The following TTC39C variants were observed in gnomAD, a reference collection of about 807,000 sequenced individuals.
TTC39C encodes the protein tetratricopeptide repeat protein 39C.
A neutral mutation model predicts 76.3 loss-of-function variants in TTC39C; 33 were observed. That is an observed-to-expected ratio of 0.43 (90% CI 0.33 to 0.58). TTC39C has a LOEUF of 0.58. Among genes scored for constraint, TTC39C ranks in the 20% least tolerant of loss-of-function variants. TTC39C has a pLI of 0.04. For missense variants in TTC39C, 595 were observed against 701.4 expected (o/e 0.85, Z 1.71); for synonymous variants, 254 against 260.6 (o/e 0.97, Z 0.24).
At chr18:24,041,221 A>G (rs1328042628) in intron 1 of TTC39C, among the ~76,000 whole-genome samples, 5 of 152,236 alleles carry the variant, frequency 3.3e-5, no homozygotes, top group Admixed American at 6.5e-5. Context: ...TGGCCATGCT[A>G]AAAGCACAGC....
intron 6 of TTC39C, among the ~76,000 whole-genome samples, chr18:24,087,994 C>T (rs1274664468): frequency 1.3e-5 from 2 of 152,132 alleles, no homozygotes; most frequent in African/African-American, 4.8e-5. Context: ...AAATCTATTG[C>T]TGTATGTCAT....
intron 1 of TTC39C, among the ~76,000 whole-genome samples, chr18:24,061,327 C>T (rs537300172): frequency 6.6e-6 from 1 of 150,844 alleles, no homozygotes; most frequent in African/African-American, 2.4e-5. Flanking sequence ...TATTTGGGTT[C>T]TAATGCTTAT....
In TTC39C at chr18:24,127,611, G is replaced by A. The variant is rs187691998; in HGVS notation, c.1421-1275G>A. Among the ~76,000 whole-genome samples, 463 of 152,162 alleles carry A rather than the reference G, an allele frequency of 3.0e-3. 2 individuals are homozygous for A. The highest frequency in any genetic ancestry group is 5.4e-3 in the Non-Finnish European group (369 of 67,996). The stretch of plus-strand genomic sequence containing the variant: ...GGCTCACTGCAACCTCTGCCTCCCT[G>A]GCTCAAGCGATCCTCCAACCTCAGC... On this transcript the variant is annotated intron_variant, in intron 10 of 13. Coordinates refer to ENST00000317571, the MANE Select transcript of TTC39C (RefSeq NM_001135993.2).
intron 1 of TTC39C, among the ~76,000 whole-genome samples, chr18:24,045,730 T>C (rs114532223): frequency 0.019 from 2,862 of 151,590 alleles, 89 homozygotes; most frequent in African/African-American, 0.066. Flanking sequence ...TGTGTGCACA[T>C]TTTAAAACTA....
chr18:24,005,806 C>T (rs2145630424), intron 1 of TTC39C, among the ~76,000 whole-genome samples: 1 of 150,926 alleles, frequency 6.6e-6, no homozygotes, highest in Non-Finnish European at 1.5e-5. Context: ...GATTGCACCA[C>T]TGTACTCCAG....
intron 1 of TTC39C, among the ~76,000 whole-genome samples, chr18:24,061,846 G>C (rs963815814): frequency 1.3e-5 from 2 of 152,226 alleles, no homozygotes; most frequent in African/African-American, 2.4e-5. Context: ...GGATGTTGCA[G>C]TGAGCCAAGA....
At chr18:24,010,080 A>AT (rs2083383349), upstream of TTC39C, among the ~76,000 whole-genome samples, 1 of 152,254 alleles carries the variant, frequency 6.6e-6, no homozygotes, top group South Asian at 2.1e-4. Context: ...CTTTAGATAA[A>AT]TTAACAGAGT....
At chr18:24,045,766 TTTAAA>T (rs1376532302) in intron 1 of TTC39C, among the ~76,000 whole-genome samples, 4 of 151,140 alleles carry the variant, frequency 2.6e-5, no homozygotes, top group Admixed American at 6.6e-5. Context: ...AAATAAAAAC[TTTAAA>T]TTATAAAGAT....
rs1217248165 is a variant in TTC39C, at chr18:24,014,795, C to A, written c.-77C>A. On this transcript the variant is annotated 5_prime_UTR_variant, in exon 1 of 14. Transcript: ENST00000317571. ...TCCGCTTGGCTCCGGGCAGGTAGAG[C>A]CGGGCTCCGGGCGCGCGCGGGGCCG... 1.3e-5 allele frequency: 16 copies of A among 1,190,770 alleles called. No homozygotes were observed. The highest frequency in any genetic ancestry group is 1.7e-5 in the Non-Finnish European group (16 of 957,758). 73.8% of individuals were successfully genotyped at this position (1,190,770 alleles called of 1,614,324 possible). A position where few individuals can be genotyped will look rare whatever the true frequency, so the allele number is the denominator to read the frequency against.
intron 1 of TTC39C, among the ~76,000 whole-genome samples, chr18:24,047,138 G>A: frequency 6.6e-6 from 1 of 151,554 alleles, no homozygotes; most frequent in East Asian, 1.9e-4. Flanking sequence ...CGGTCACACA[G>A]GCTGGAGTGC....
At chr18:24,068,363 G>C (rs920291016) in intron 3 of TTC39C, among the ~76,000 whole-genome samples, 3 of 152,118 alleles carry the variant, frequency 2.0e-5, no homozygotes, top group Non-Finnish European at 2.9e-5. Flanking sequence ...CTAGAAAAAA[G>C]GGAAACACAT....
At chr18:24,019,558 G>A (rs762255711) in intron 1 of TTC39C, among the ~76,000 whole-genome samples, 1 of 152,182 alleles carries the variant, frequency 6.6e-6, no homozygotes, top group Non-Finnish European at 1.5e-5. Flanking sequence ...AGTTTTTGGC[G>A]CATGTGACAA....
chr18:24,090,849 C>T (rs940410255), intron 6 of TTC39C, among the ~76,000 whole-genome samples: 5 of 138,474 alleles, frequency 3.6e-5, no homozygotes, highest in African/African-American at 1.1e-4. Context: ...CTCTGTCACC[C>T]AGGCTGGAGT....
upstream of TTC39C, among the ~76,000 whole-genome samples, chr18:24,014,127 G>GC (rs1343136318): frequency 3.9e-5 from 6 of 152,204 alleles, no homozygotes; most frequent in Non-Finnish European, 8.8e-5. Flanking sequence ...CAGAGACCCC[G>GC]CCCCCGCCGC....
At chr18:24,040,569 CA>C (rs2083780139) in intron 1 of TTC39C, among the ~76,000 whole-genome samples, 1 of 151,984 alleles carries the variant, frequency 6.6e-6, no homozygotes, top group Non-Finnish European at 1.5e-5. Flanking sequence ...TGCCATTTAA[CA>C]AGGCTATATA....
At chr18:24,017,448 C>T (rs1343010143) in intron 1 of TTC39C, among the ~76,000 whole-genome samples, 1 of 152,158 alleles carries the variant, frequency 6.6e-6, no homozygotes, top group African/African-American at 2.4e-5. Flanking sequence ...ATCCATGGCC[C>T]CGACTAAGTG....
At chr18:24,012,504 A>T (rs1188455735), upstream of TTC39C, among the ~76,000 whole-genome samples, 1 of 152,112 alleles carries the variant, frequency 6.6e-6, no homozygotes, top group East Asian at 1.9e-4. Context: ...CCTCAAGTAT[A>T]ACTCATAAAC....
At chr18:24,087,719 G>C (rs1351179073) in intron 6 of TTC39C, among the ~76,000 whole-genome samples, 1 of 151,798 alleles carries the variant, frequency 6.6e-6, no homozygotes, top group Non-Finnish European at 1.5e-5. Flanking sequence ...CGAGTAGCTG[G>C]GATTACAGGT....
chr18:24,000,132 G>A (rs1362987969), intron 1 of TTC39C, among the ~76,000 whole-genome samples: 1 of 152,144 alleles, frequency 6.6e-6, no homozygotes, highest in African/African-American at 2.4e-5. Flanking sequence ...CCTCCAAAGA[G>A]CACAGGGGCT....
Sources: allele counts gnomAD v4.1 joint callset (sites outside exome capture counted in the v4.1 genomes callset), GRCh38; gene constraint gnomAD v4.1.1; transcripts MANE v1.5; gene names NCBI Gene and HGNC (gene_info 2026-07-23, HGNC 2026-07-21).